SEMA5A: variants seen among roughly 807,000 people sequenced by gnomAD.
SEMA5A encodes semaphorin-5A.
In SEMA5A, 55 loss-of-function variants were observed where a neutral mutation model predicts 135.5. The observed-to-expected ratio is 0.41, with a 90% CI of 0.33 to 0.51. SEMA5A has a LOEUF of 0.51. Ranked by LOEUF, SEMA5A falls within the 20% of genes least tolerant of loss-of-function variation. The pLI, the probability that SEMA5A is intolerant of heterozygous loss-of-function variation, is 0.37. For missense variants in SEMA5A, 1,290 were observed against 1,419.9 expected (o/e 0.91, Z 1.47); for synonymous variants, 580 against 546.5 (o/e 1.06, Z -0.85).
chr5:9,169,171 G>A (rs1743775865), intron 11 of SEMA5A, among the ~76,000 whole-genome samples: 1 of 152,126 alleles, frequency 6.6e-6, no homozygotes, highest in South Asian at 2.1e-4. Flanking sequence ...AAGCAAGCAA[G>A]CAGGAAAAGA....
intron 2 of SEMA5A, among the ~76,000 whole-genome samples, chr5:9,381,130 C>T (rs954788790): frequency 6.6e-6 from 1 of 152,016 alleles, no homozygotes; most frequent in African/African-American, 2.4e-5. Context: ...CAACAAGCTA[C>T]CATAGTACAT....
chr5:9,184,121 G>T (rs1045616729), intron 11 of SEMA5A, among the ~76,000 whole-genome samples: 1 of 150,354 alleles, frequency 6.7e-6, no homozygotes, highest in African/African-American at 2.4e-5. Context: ...GTGAGTGTCT[G>T]TTTTTTTTTA....
chr5:9,506,244 T>G (rs2126832811), intron 1 of SEMA5A, among the ~76,000 whole-genome samples: 1 of 152,312 alleles, frequency 6.6e-6, no homozygotes, highest in Middle Eastern at 3.4e-3. Flanking sequence ...TTCAAGCCAT[T>G]GGTGAGGAGT....
chr5:9,281,609 G>A (rs2150564945), intron 5 of SEMA5A, among the ~76,000 whole-genome samples: 1 of 152,206 alleles, frequency 6.6e-6, no homozygotes, highest in Admixed American at 6.5e-5. Context: ...CTTGACTTAT[G>A]GACTAACAGG....
intron 1 of SEMA5A, among the ~76,000 whole-genome samples, chr5:9,486,912 T>C (rs1306562238): frequency 1.3e-5 from 2 of 151,770 alleles, no homozygotes; most frequent in African/African-American, 2.4e-5. Context: ...AAAAGAAAAA[T>C]TGTTGTGATT....
At chr5:9,455,776 G>A (rs759461634) in intron 1 of SEMA5A, among the ~76,000 whole-genome samples, 12 of 152,296 alleles carry the variant, frequency 7.9e-5, no homozygotes, top group Middle Eastern at 3.4e-3. Flanking sequence ...AAACAAGGAC[G>A]TGTGTATAAA....
intron 1 of SEMA5A, among the ~76,000 whole-genome samples, chr5:9,476,731 C>T (rs375893716): frequency 6.6e-6 from 1 of 152,124 alleles, no homozygotes; most frequent in Non-Finnish European, 1.5e-5. Context: ...ATCATCTTTA[C>T]CACAACATCT....
Position 9,160,547 on chromosome 5 carries a change from C to T in SEMA5A, c.1274-5852G>A, listed in dbSNP as rs188127786. On this transcript the variant is annotated intron_variant, in intron 11 of 22. Transcript: ENST00000382496. The stretch of plus-strand genomic sequence containing the variant: ...AACATGCTGTCACCAGACCAACTCT[C>T]GAACAAGCAAAGGGCTTCAGTGGCA... Among the ~76,000 whole-genome samples, 14 of 152,292 alleles carry T rather than the reference C, an allele frequency of 9.2e-5. No individual in the cohort carries two copies. In the East Asian group the frequency reaches 1.9e-3, roughly 21 times the overall value.
intron 5 of SEMA5A, among the ~76,000 whole-genome samples, chr5:9,238,315 A>G (rs1384744457): frequency 6.6e-6 from 1 of 152,218 alleles, no homozygotes; most frequent in East Asian, 1.9e-4. Context: ...ATAATATGTC[A>G]TTTATCAATA....
rs182989475 is a variant in SEMA5A, at chr5:9,110,024, G to T, written c.1926-1737C>A. Among the ~76,000 whole-genome samples, 8 of 152,228 alleles carry T rather than the reference G, an allele frequency of 5.3e-5. No homozygotes were observed. In the East Asian group the frequency reaches 1.4e-3, roughly 26 times the overall value. On this transcript the variant is annotated intron_variant, in intron 15 of 22. Transcript: ENST00000382496. ...GACAATGTGAAAAGTAGAAAGCAAGGCCAAGCTGAGGGGTGCTGACGGGAT... is the reference window on the plus strand; with the variant it reads ...GACAATGTGAAAAGTAGAAAGCAAGTCCAAGCTGAGGGGTGCTGACGGGAT...
chr5:9,077,517 C>T lies in SEMA5A; in HGVS notation c.2074-10871G>A, dbSNP rs75027529. Among the ~76,000 whole-genome samples, 377 of 152,304 alleles carry T rather than the reference C, an allele frequency of 2.5e-3. 7 individuals carry two copies. Among genetic ancestry groups the T allele is most frequent in the East Asian group, 0.023 (121 of 5,184 alleles). On this transcript the variant is annotated intron_variant, in intron 16 of 22. Coordinates refer to ENST00000382496, the MANE Select transcript of SEMA5A (RefSeq NM_003966.3). The stretch of plus-strand genomic sequence containing the variant: ...TGAGCATTTCTAAGTAGAAAATCAT[C>T]CACAATCCCACTATTCTATGCAGTA...
intron 1 of SEMA5A, among the ~76,000 whole-genome samples, chr5:9,479,097 C>T (rs760169296): frequency 1.3e-5 from 2 of 152,216 alleles, no homozygotes; most frequent in African/African-American, 2.4e-5. Context: ...ACGTGCCTCA[C>T]TTCCCCTTCA....
At chr5:9,319,240 A>G (rs1292783413) in intron 4 of SEMA5A, among the ~76,000 whole-genome samples, 2 of 152,048 alleles carry the variant, frequency 1.3e-5, no homozygotes, top group Non-Finnish European at 2.9e-5. Flanking sequence ...CATAAATATA[A>G]CTTGCATTAT....
chr5:9,214,222 C>T (rs1746493027), intron 8 of SEMA5A, among the ~76,000 whole-genome samples: 1 of 152,130 alleles, frequency 6.6e-6, no homozygotes, highest in South Asian at 2.1e-4. Context: ...ATAGCAGGAG[C>T]CAGGGCTGTA....
At chr5:9,155,042 C>A (rs1742877562) in intron 11 of SEMA5A, among the ~76,000 whole-genome samples, 1 of 152,196 alleles carries the variant, frequency 6.6e-6, no homozygotes, top group African/African-American at 2.4e-5. Flanking sequence ...GAAAGACCCT[C>A]AAGGGACGAT....
Position 9,379,956 on chromosome 5 carries a change from G to A in SEMA5A, c.-10C>T, listed in dbSNP as rs1432872503. On this transcript the variant is annotated 5_prime_UTR_variant, in exon 3 of 23. Coordinates refer to ENST00000382496, the MANE Select transcript of SEMA5A (RefSeq NM_003966.3). ...CACAGGTTCCCTTCATGGTGGGCAA[G>A]GGGCCTCTGACTCTGGGCACGTGTC... 3 of 1,607,066 alleles carry A rather than the reference G, an allele frequency of 1.9e-6. No homozygotes were observed. The highest frequency in any genetic ancestry group is 1.7e-4 in the Middle Eastern group (1 of 6,004).
chr5:9,372,727 T>G (rs1321080790), intron 3 of SEMA5A, among the ~76,000 whole-genome samples: 2 of 150,638 alleles, frequency 1.3e-5, no homozygotes, highest in Non-Finnish European at 3.0e-5. Context: ...AGATGGCACA[T>G]AGAGGGAGAC....
intron 15 of SEMA5A, among the ~76,000 whole-genome samples, chr5:9,114,006 T>G (rs1224612200): frequency 6.6e-6 from 1 of 152,228 alleles, no homozygotes; most frequent in African/African-American, 2.4e-5. Context: ...ATGCCAATAT[T>G]CAGTACAGCA....
At chr5:9,227,884 G>A (rs1747406273) in intron 6 of SEMA5A, among the ~76,000 whole-genome samples, 1 of 152,188 alleles carries the variant, frequency 6.6e-6, no homozygotes, top group African/African-American at 2.4e-5. Context: ...ATTGAAAAGT[G>A]AAAATATGCT....
Sources: gnomAD v4.1 joint callset for allele counts (sites outside exome capture counted in the v4.1 genomes callset) on GRCh38, gnomAD v4.1.1 for gene constraint, MANE v1.5 for transcripts, NCBI Gene and HGNC (gene_info 2026-07-23, HGNC 2026-07-21) for gene names.